GOSR1: variants seen among roughly 807,000 people sequenced by gnomAD.
The protein encoded by GOSR1 is 28 kDa Golgi SNARE protein.
GOSR1 carries 21 observed loss-of-function variants against 35.5 expected under a neutral mutation model. The observed-to-expected ratio is 0.59, with a 90% CI of 0.42 to 0.85. GOSR1 has a LOEUF of 0.85. GOSR1 is among the 40% of genes least tolerant of loss of function. The pLI is 0.00. For missense variants in GOSR1, 285 were observed against 309.6 expected (o/e 0.92, Z 0.60); for synonymous variants, 94 against 106.6 (o/e 0.88, Z 0.73).
chr17:30,479,453 A>G (rs559212357), intron 1 of GOSR1: 1 of 152,350 alleles, frequency 6.6e-6, no homozygotes, highest in Non-Finnish European at 1.5e-5. Flanking sequence ...CCTTGTTAGT[A>G]GCACATTGTT....
At position 30,517,771 on chromosome 17, in the gene GOSR1, T is replaced by A. The variant is rs556863064; in HGVS notation, c.540-2168T>A. On this transcript the variant is annotated intron_variant, in intron 7 of 8. Transcript: ENST00000451249. ...ACCTGTATATACCTCCTTACACACT[T>A]TTGTTTCTCTTTTGCCATCTCAAAT... Among the ~76,000 whole-genome samples, 5 of 152,302 alleles carry A rather than the reference T, an allele frequency of 3.3e-5. No individual in the cohort carries two copies. In the East Asian group the frequency reaches 9.6e-4, roughly 29 times the overall value.
chr17:30,520,090 A>AT, intron 8 of GOSR1, 69 bp downstream of exon 8: 2 of 977,386 alleles, frequency 2.0e-6, no homozygotes, highest in South Asian at 2.6e-5. Context: ...GTGTGCTTTT[A>AT]TAGGGGGCAG....
intron 4 of GOSR1, among the ~76,000 whole-genome samples, chr17:30,488,819 T>G (rs1914848422): frequency 6.6e-6 from 1 of 152,184 alleles, no homozygotes; most frequent in Non-Finnish European, 1.5e-5. Context: ...ATTACAGGCA[T>G]GAGCCACCCT....
rs1402165289 is a variant in GOSR1 at position 30,484,089 on chromosome 17, C to T, written c.147-125C>T. 1.2e-5 allele frequency: 7 copies of T among 587,024 alleles called. No individual in the cohort carries two copies. In the East Asian group the frequency reaches 2.0e-4, roughly 17 times the overall value. 36.4% of individuals were successfully genotyped at this position (587,024 alleles called of 1,614,324 possible). A position where few individuals can be genotyped will look rare whatever the true frequency, so the allele number is the denominator to read the frequency against. On this transcript the variant is annotated intron_variant, in intron 2 of 8. Coordinates refer to ENST00000451249, the MANE Select transcript of GOSR1 (RefSeq NM_001007025.2). ...GGTAAAAATGTAAAAGATCGTTTCT[C>T]ACAGACCCTATATAACATAATCCAT...
At chr17:30,504,934 A>G (rs1250845308) in intron 6 of GOSR1, among the ~76,000 whole-genome samples, 2 of 152,252 alleles carry the variant, frequency 1.3e-5, no homozygotes, top group Non-Finnish European at 2.9e-5. Context: ...GAAAGCAGAT[A>G]GTGGAAATGA....
At chr17:30,477,606 C>G (rs938420982) in intron 1 of GOSR1, 142 bp downstream of exon 1, 2 of 1,390,574 alleles carry the variant, frequency 1.4e-6, no homozygotes, top group Admixed American at 5.9e-5. Flanking sequence ...AAGTGGGATC[C>G]CCGGGGCCTT....
chr17:30,497,838 C>T (rs545217182), intron 6 of GOSR1, among the ~76,000 whole-genome samples: 1 of 152,276 alleles, frequency 6.6e-6, no homozygotes, highest in East Asian at 1.9e-4. Flanking sequence ...GCAGGAGGAT[C>T]ACTTGAAGTC....
intron 6 of GOSR1, among the ~76,000 whole-genome samples, chr17:30,509,035 G>A (rs867795405): frequency 6.6e-6 from 1 of 152,098 alleles, no homozygotes; most frequent in African/African-American, 2.4e-5. Context: ...GAGTGCAGTG[G>A]CGCAATCTCG....
rs1322869526 is a variant in GOSR1, at chr17:30,522,272, A to G, written c.641A>G (p.Asn214Ser). ...CCCAAAGATCGTTTTCCTGCTGTAAACAGCCTGATCCAGAGGATCAACCTG... is the reference window on the plus strand; with the variant it reads ...CCCAAAGATCGTTTTCCTGCTGTAAGCAGCCTGATCCAGAGGATCAACCTG... ...NTLANRFPAV[N>S]SLIQRINLRK... is the part of the protein sequence containing the mutation. Residue 214 changes from asparagine (N) to serine (S), a missense_variant, in exon 9 of 9, where the codon AAC becomes AGC. This residue lies in a region of GOSR1 where 168 missense variants were observed against 183.2 expected (regional missense o/e 0.92). Transcript: ENST00000451249. The G allele has an allele frequency of 4.4e-6, 7 of 1,607,648 alleles. No individual in the cohort carries two copies. The Admixed American group carries it at 5.1e-5, about 12-fold the overall frequency.
In GOSR1 at chr17:30,490,220, A is replaced by G. The variant is rs1250841911; in HGVS notation, c.434+3A>G. ...GGATCAGTACGAAAAGATATTGAGT[A>G]AGTTACTTTTTATATTATTTTGTAG... On this transcript the variant is annotated splice_donor_region_variant and intron_variant, in intron 5 of 8. Transcript: ENST00000451249. 1 of 1,339,634 alleles carries G rather than the reference A, an allele frequency of 7.5e-7. No homozygotes were observed. Among genetic ancestry groups the G allele is most frequent in the Non-Finnish European group, 1.1e-6 (1 of 930,690 alleles). The allele number at this position is 1,339,634 out of a possible 1,614,324, so 83.0% of individuals were successfully genotyped here. A position where few individuals can be genotyped will look rare whatever the true frequency, so the allele number is the denominator to read the frequency against.
At chr17:30,490,562 GA>G (rs201546118) in intron 5 of GOSR1, among the ~76,000 whole-genome samples, 10 of 151,082 alleles carry the variant, frequency 6.6e-5, no homozygotes, top group African/African-American at 1.5e-4. Context: ...ATGTGTCAAA[GA>G]AAAAAAAATT....
intron 6 of GOSR1, among the ~76,000 whole-genome samples, chr17:30,495,260 GAGAC>G (rs538139336): frequency 6.6e-6 from 1 of 150,538 alleles, no homozygotes; most frequent in South Asian, 2.1e-4. Flanking sequence ...TTAAGGAGTA[GAGAC>G]AGACAGACTA....
At chr17:30,518,725 T>G (rs1434091151) in intron 7 of GOSR1, among the ~76,000 whole-genome samples, 2 of 152,078 alleles carry the variant, frequency 1.3e-5, no homozygotes, top group African/African-American at 4.8e-5. Context: ...GCCCAGGAGT[T>G]TGAGACCAGC....
chr17:30,491,785 A>G (rs924843686), intron 5 of GOSR1, among the ~76,000 whole-genome samples: 1 of 152,236 alleles, frequency 6.6e-6, no homozygotes, highest in African/African-American at 2.4e-5. Flanking sequence ...GCCTCATAGC[A>G]ATCTTTTGGT....
At chr17:30,503,021 T>C (rs1967272002) in intron 6 of GOSR1, among the ~76,000 whole-genome samples, 1 of 152,280 alleles carries the variant, frequency 6.6e-6, no homozygotes. Flanking sequence ...TATTGCAGCA[T>C]GCAAAGGGAT....
Position 30,511,079 on chromosome 17 carries a change from G to C in GOSR1, c.539+170G>C, listed in dbSNP as rs148467738. Among the ~76,000 whole-genome samples the C allele has an allele frequency of 9.8e-3, 1,486 of 152,212 alleles. 11 individuals are homozygous for C. The highest frequency in any genetic ancestry group is 0.048 in the Middle Eastern group (14 of 294). Reference sequence around the variant, plus strand: ...TTTTTACTATGTCCTTTCCTTACAAGAGACGTTTGACACCCAAAGTAACAT... The same window carrying C: ...TTTTTACTATGTCCTTTCCTTACAACAGACGTTTGACACCCAAAGTAACAT... On this transcript the variant is annotated intron_variant, in intron 7 of 8. Coordinates refer to ENST00000451249, the MANE Select transcript of GOSR1 (RefSeq NM_001007025.2).
At chr17:30,511,751 G>A (rs184363407) in intron 7 of GOSR1, among the ~76,000 whole-genome samples, 6 of 152,116 alleles carry the variant, frequency 3.9e-5, no homozygotes, top group East Asian at 1.9e-4. Context: ...GTCTGGTCCC[G>A]AACTCCTGAC....
chr17:30,506,078 T>G (rs906673561), intron 6 of GOSR1, among the ~76,000 whole-genome samples: 2 of 152,120 alleles, frequency 1.3e-5, no homozygotes, highest in African/African-American at 4.8e-5. Context: ...CCCAACTCAC[T>G]CCTCCTCAGG....
chr17:30,490,647 T>C (rs753638333), intron 5 of GOSR1, among the ~76,000 whole-genome samples: 21 of 152,158 alleles, frequency 1.4e-4, no homozygotes, highest in Non-Finnish European at 2.6e-4. Context: ...CCCCTGGCCC[T>C]CTCCCTTGTC....
Sources: gnomAD v4.1 joint callset for allele counts (sites outside exome capture counted in the v4.1 genomes callset) on GRCh38, gnomAD v4.1.1 for gene constraint, gnomAD v4.1.1 regional missense constraint, MANE v1.5 for transcripts, NCBI Gene and HGNC (gene_info 2026-07-23, HGNC 2026-07-21) for gene names.